C1orf159: variants seen among roughly 807,000 people sequenced by gnomAD.
The protein encoded by C1orf159 is chromosome 1 open reading frame 159, also known as uncharacterized protein C1orf159.
C1orf159 carries 19 observed loss-of-function variants against 25.6 expected under a neutral mutation model. The observed-to-expected ratio is 0.74, with a 90% CI of 0.52 to 1.09. C1orf159 has a LOEUF of 1.09. C1orf159 is among the 50% of genes least tolerant of loss of function. The pLI, the probability that C1orf159 is intolerant of heterozygous loss-of-function variation, is 0.00. For missense variants in C1orf159, 274 were observed against 290.6 expected, an observed-to-expected ratio of 0.94 and a Z score of 0.42; for synonymous variants, 139 against 124.7, an observed-to-expected ratio of 1.12 and a Z score of -0.77.
intron 6 of C1orf159, among the ~76,000 whole-genome samples, chr1:1,086,322 C>T (rs1213484658): frequency 3.9e-5 from 6 of 152,252 alleles, no homozygotes; most frequent in African/African-American, 1.2e-4. Flanking sequence ...AACACCTCTC[C>T]GATTCCAGTT....
chr1:1,100,621 GTTTA>G (rs1557431281), intron 1 of C1orf159, among the ~76,000 whole-genome samples: 1 of 152,148 alleles, frequency 6.6e-6, no homozygotes, highest in Non-Finnish European at 1.5e-5. Flanking sequence ...CGTTTTTACC[GTTTA>G]TTATTTGTTT....
At position 1,089,282 on chromosome 1, in the gene C1orf159, C is replaced by T. The variant is rs1645887211; in HGVS notation, c.148+1071G>A. 6.6e-6 allele frequency among the ~76,000 whole-genome samples: 1 copy of T among 152,186 alleles called. No individual in the cohort carries two copies. Among genetic ancestry groups the T allele is most frequent in the African/African-American group, 2.4e-5 (1 of 41,436 alleles). On this transcript the variant is annotated intron_variant, in intron 4 of 9. Transcript: ENST00000421241. The surrounding 1 kb of genome is among the most constrained non-coding windows in gnomAD (Gnocchi z 7.5). The stretch of plus-strand genomic sequence containing the variant: ...ACCGTGACTGCTGCACAGCTGCCTG[C>T]ACCCACAGAGTGCCTGGGGTACACA...
chr1:1,087,365 G>C lies in C1orf159; in HGVS notation c.244+137C>G. The C allele has an allele frequency of 8.6e-7, 1 of 1,165,720 alleles. No homozygotes were observed. The highest frequency in any genetic ancestry group is 1.6e-5 in the South Asian group (1 of 63,998). 72.2% of individuals were successfully genotyped at this position (1,165,720 alleles called of 1,614,324 possible). On this transcript the variant is annotated intron_variant, in intron 5 of 9. Transcript: ENST00000421241. The surrounding 1 kb of genome is among the most constrained non-coding windows in gnomAD (Gnocchi z 8.3). ...TGTCCCGAATGGCCCAGCAGACTCG[G>C]GAAGAGGGGGCTCCCGGGGCTGTTC...
intron 1 of C1orf159, among the ~76,000 whole-genome samples, chr1:1,102,614 TAAAAAAAA>T (rs1170365187): frequency 0.21 from 7,195 of 34,762 alleles, 482 homozygotes; most frequent in South Asian, 0.43. Context: ...CTGTCTCTAC[TAAAAAAAA>T]AAAAAAAAAA....
chr1:1,112,324 G>A (rs948809866), intron 1 of C1orf159, among the ~76,000 whole-genome samples: 1 of 152,234 alleles, frequency 6.6e-6, no homozygotes, highest in African/African-American at 2.4e-5. Flanking sequence ...TTCTAGGGAC[G>A]TTTGACAGGT....
At position 1,090,346 on chromosome 1, in the gene C1orf159, G is replaced by T; in HGVS notation, c.148+7C>A. On this transcript the variant is annotated splice_region_variant and intron_variant, in intron 4 of 9. Transcript: ENST00000421241. The stretch of plus-strand genomic sequence containing the variant: ...GTCTGGAATCTGCTTGGGACAAAGC[G>T]GCTTACCTGGACCACACAGACTTGC... The T allele has an allele frequency of 6.4e-7, 1 of 1,550,502 alleles. No individual in the cohort carries two copies. The highest frequency in any genetic ancestry group is 8.7e-7 in the Non-Finnish European group (1 of 1,146,934).
chr1:1,086,020 CAG>C lies in C1orf159; in HGVS notation c.311-10_311-9del. The C allele has an allele frequency of 6.2e-7, 1 of 1,612,602 alleles. No individual in the cohort carries two copies. The highest frequency in any genetic ancestry group is 1.7e-5 in the Admixed American group (1 of 60,014). Reference sequence around the variant, plus strand: ...CGGCCACGCGCGGAGCCCCTGCAAACAGACACCGCTGAGCAGACGGGCAGGAC... The same window carrying C: ...CGGCCACGCGCGGAGCCCCTGCAAACACACCGCTGAGCAGACGGGCAGGAC... On this transcript the variant is annotated splice_polypyrimidine_tract_variant and intron_variant, in intron 6 of 9. Transcript: ENST00000421241.
chr1:1,083,276 TC>T, intron 9 of C1orf159: 1 of 399,102 alleles, frequency 2.5e-6, no homozygotes, highest in Non-Finnish European at 4.5e-6. Flanking sequence ...GAGATGTGGG[TC>T]CCAGAGTATC....
At chr1:1,102,284 G>A (rs1222189738) in intron 1 of C1orf159, among the ~76,000 whole-genome samples, 2 of 151,640 alleles carry the variant, frequency 1.3e-5, no homozygotes, top group Non-Finnish European at 2.9e-5. Flanking sequence ...TAGACATGTT[G>A]ATATCACCTA....
chr1:1,115,203 G>T (rs1274691236), intron 1 of C1orf159: 1 of 152,144 alleles, frequency 6.6e-6, no homozygotes, highest in Non-Finnish European at 1.5e-5. Flanking sequence ...TTGAAACGCG[G>T]TAAGAAATGC....
At chr1:1,084,327 CA>C in intron 9 of C1orf159, 25 bp downstream of exon 9, 1 of 1,535,250 alleles carries the variant, frequency 6.5e-7, no homozygotes, top group Non-Finnish European at 8.8e-7. Flanking sequence ...GGAAACCCCA[CA>C]GGGGGATGCG....
rs375033975 is a variant in C1orf159 at position 1,082,975 on chromosome 1, C to A, written c.515G>T (p.Arg172Leu). 3 of 1,599,218 alleles carry A rather than the reference C, an allele frequency of 1.9e-6. No homozygotes were observed. Among genetic ancestry groups the A allele is most frequent in the South Asian group, 2.3e-5 (2 of 88,600 alleles). Residue 172 changes from arginine (R) to leucine (L), a missense_variant, in exon 10 of 10, where the codon CGC becomes CTC. Physicochemically the swap from Arg to Leu is moderately radical, Grantham distance 102. Transcript: ENST00000421241. ...PPPQSSVRKPRYVRRERPLDR... is the reference protein window; with the variant it reads ...PPPQSSVRKPLYVRRERPLDR... ...CAGGGGCCGCTCCCGCCTGACGTAG[C>A]GCGGCTTCCGTACTGAAACGGGTCA...
At chr1:1,091,249 G>T in intron 3 of C1orf159, 1 of 644,130 alleles carries the variant, frequency 1.6e-6, no homozygotes, top group Non-Finnish European at 2.7e-6. Flanking sequence ...GGCCCCGCCT[G>T]ACCCAGCCAT....
intron 7 of C1orf159, among the ~76,000 whole-genome samples, 161 bp downstream of exon 7, chr1:1,085,717 T>G (rs1645817817): frequency 6.6e-6 from 1 of 152,162 alleles, no homozygotes; most frequent in African/African-American, 2.4e-5. Context: ...GTGACGGGCC[T>G]TCTCACACCG....
intron 1 of C1orf159, among the ~76,000 whole-genome samples, chr1:1,107,489 G>A (rs556632580): frequency 2.5e-4 from 38 of 152,242 alleles, no homozygotes; most frequent in African/African-American, 7.2e-4. Flanking sequence ...TGCACCAATC[G>A]CTGCTCTGTG....
intron 3 of C1orf159, chr1:1,090,713 T>C (rs1327210942): frequency 5.3e-6 from 4 of 754,840 alleles, no homozygotes; most frequent in African/African-American, 3.4e-5. Context: ...CCGCAGGCCA[T>C]GGCAGCGCCA....
intron 1 of C1orf159, among the ~76,000 whole-genome samples, chr1:1,108,426 T>G (rs1557436098): frequency 9.6e-6 from 1 of 103,920 alleles, no homozygotes; most frequent in Non-Finnish European, 1.9e-5. Context: ...AGCAGCACCG[T>G]CCACCACAGC....
At chr1:1,093,995 C>T (rs996761622) in intron 1 of C1orf159, among the ~76,000 whole-genome samples, 37 of 152,196 alleles carry the variant, frequency 2.4e-4, no homozygotes, top group African/African-American at 8.7e-4. Context: ...TGGCATCTTT[C>T]CATGTGTTTA....
intron 1 of C1orf159, among the ~76,000 whole-genome samples, chr1:1,112,988 G>C (rs1267748601): frequency 6.6e-6 from 1 of 152,168 alleles, no homozygotes. Context: ...CTGAGGTTGG[G>C]AGTTCGAGAC....
Sources: gnomAD v4.1 joint callset for allele counts (sites outside exome capture counted in the v4.1 genomes callset) on GRCh38, gnomAD v4.1.1 for gene constraint, Gnocchi (gnomAD v3.1) non-coding constraint, MANE v1.5 for transcripts, NCBI Gene and HGNC (gene_info 2026-07-23, HGNC 2026-07-21) for gene names.